Variants in SLC5A2 observed in about 807,000 individuals in gnomAD.
The protein encoded by SLC5A2 is sodium/glucose cotransporter 2.
In SLC5A2, 67 loss-of-function variants were observed where a neutral mutation model predicts 69.0. The observed-to-expected ratio is 0.97, with a 90% CI of 0.80 to 1.19. SLC5A2 has a LOEUF of 1.19. Ranked by LOEUF, SLC5A2 falls within the 50% of genes most tolerant of loss-of-function variation. The pLI is 0.00. For missense variants in SLC5A2, 1,001 were observed against 921.5 expected, an observed-to-expected ratio of 1.09 and a Z score of -1.12; for synonymous variants, 455 against 395.8, an observed-to-expected ratio of 1.15 and a Z score of -1.78.
In SLC5A2 at chr16:31,485,784, C is replaced by T. The variant is rs990530167; in HGVS notation, c.359C>T (p.Ala120Val). The T allele has an allele frequency of 6.8e-6, 11 of 1,613,552 alleles. No homozygotes were observed. Among genetic ancestry groups the T allele is most frequent in the African/African-American group, 5.3e-5 (4 of 74,930 alleles). ...GWLFAPVYLT[A>V]GVITMPQYLR... is the part of the protein sequence containing the mutation. ...CTGTTTGCACCCGTGTACCTGACAG[C>T]GGGGGTCATCACGATGCCACAGTAC... is the stretch of plus-strand genomic sequence containing the variant. The change falls in exon 4 of 14, where the codon GCG becomes GTG. Residue 120 changes from alanine to valine, a missense_variant. Coordinates refer to ENST00000330498, the MANE Select transcript of SLC5A2 (RefSeq NM_003041.4).
intron 2 of SLC5A2, 28 bp downstream of exon 2, chr16:31,484,772 G>A (rs893525101): frequency 3.2e-5 from 51 of 1,610,958 alleles, no homozygotes; most frequent in Non-Finnish European, 4.3e-5. Flanking sequence ...GGGAACGGGA[G>A]GGGCCTGGAG....
Position 31,490,634 on chromosome 16 carries a change from G to T in SLC5A2, c.*99G>T. 8.5e-7 allele frequency: 1 copy of T among 1,170,248 alleles called. No homozygotes were observed. 72.5% of individuals were successfully genotyped at this position (1,170,248 alleles called of 1,614,324 possible). A position where few individuals can be genotyped will look rare whatever the true frequency, so the allele number is the denominator to read the frequency against. ...AAAAGGGGAAGGGGCAGTGGGGTGA[G>T]AAGGTCCTGGCTCCCCTTCTCCCGG... is the stretch of plus-strand genomic sequence containing the variant. On this transcript the variant is annotated 3_prime_UTR_variant, in exon 14 of 14. Transcript: ENST00000330498.
chr16:31,487,490 A>T, intron 6 of SLC5A2, 40 bp from the exon 7 acceptor site: 1 of 1,611,676 alleles, frequency 6.2e-7, no homozygotes, highest in Non-Finnish European at 8.5e-7. Flanking sequence ...CTCCGGTCTG[A>T]GGGTCCTAAG....
rs2082558722 is a variant in SLC5A2 at position 31,490,658 on chromosome 16, G to A, written c.*123G>A. 2.7e-6 allele frequency: 3 copies of A among 1,106,936 alleles called. No homozygotes were observed. Among genetic ancestry groups the A allele is most frequent in the South Asian group, 1.3e-5 (1 of 76,038 alleles). 68.6% of individuals were successfully genotyped at this position (1,106,936 alleles called of 1,614,324 possible). On this transcript the variant is annotated 3_prime_UTR_variant, in exon 14 of 14. Transcript: ENST00000330498. Reference sequence around the variant, plus strand: ...AGAAGGTCCTGGCTCCCCTTCTCCCGGCCTTCCTCTGCCTGGGGCCCACTG... The same window carrying A: ...AGAAGGTCCTGGCTCCCCTTCTCCCAGCCTTCCTCTGCCTGGGGCCCACTG...
chr16:31,489,101 G>C (rs1374711033), intron 11 of SLC5A2, 22 bp from the exon 12 acceptor site: 6 of 1,605,502 alleles, frequency 3.7e-6, no homozygotes, highest in Non-Finnish European at 5.1e-6. Flanking sequence ...ATCCTCAGCA[G>C]GCTGACCTGT....
chr16:31,488,897 T>C lies in SLC5A2; in HGVS notation c.1298T>C (p.Ile433Thr). The C allele has an allele frequency of 2.5e-6, 4 of 1,605,522 alleles. No individual in the cohort carries two copies. Among genetic ancestry groups the C allele is most frequent in the South Asian group, 1.1e-5 (1 of 91,066 alleles). The change falls in exon 11 of 14, where the codon ATC (isoleucine) becomes ACC (threonine). Residue 433 changes from isoleucine to threonine, a missense_variant. By Grantham distance (89) the Ile-to-Thr change is moderately conservative. Transcript: ENST00000330498. ...LLVGRLWVVFIVVVSVAWLPV... is the reference protein window; with the variant it reads ...LLVGRLWVVFTVVVSVAWLPV... ...CGCCGCAGGCTCTGGGTGGTGTTCA[T>C]CGTGGTAGTGTCGGTGGCCTGGCTT... is the stretch of plus-strand genomic sequence containing the variant.
intron 12 of SLC5A2, 57 bp downstream of exon 12, chr16:31,489,395 T>C (rs2082539023): frequency 6.7e-7 from 1 of 1,502,082 alleles, no homozygotes. Context: ...ACCCTCTGCT[T>C]CCTGGAGTGC....
Position 31,487,605 on chromosome 16 carries a change from A to G in SLC5A2, c.731A>G (p.Glu244Gly). 6.2e-7 allele frequency: 1 copy of G among 1,613,864 alleles called. No homozygotes were observed. The highest frequency in any genetic ancestry group is 8.5e-7 in the Non-Finnish European group (1 of 1,179,988). ...GCAGCGACTTCGCTGACGGTGTCCG[A>G]GGATCCAGCCGTGGGAAACATCTCC... ...LGAATSLTVS[E>G]DPAVGNISSF... Residue 244 changes from glutamate (E) to glycine (G), a missense_variant, in exon 7 of 14, where the codon GAG becomes GGG. Transcript: ENST00000330498.
chr16:31,489,418 A>G lies in SLC5A2; in HGVS notation c.1665+80A>G. The G allele has an allele frequency of 2.3e-6, 3 of 1,325,406 alleles. No homozygotes were observed. The South Asian group carries it at 3.7e-5, about 16-fold the overall frequency. The allele number at this position is 1,325,406 out of a possible 1,614,324, so 82.1% of individuals were successfully genotyped here. A position where few individuals can be genotyped will look rare whatever the true frequency, so the allele number is the denominator to read the frequency against. ...CTTCCTGGAGTGCCCAGCTGGGAGG[A>G]CCTGAATTTCTCGACTGAGGGTTGG... is the stretch of plus-strand genomic sequence containing the variant. On this transcript the variant is annotated intron_variant, in intron 12 of 13. Transcript: ENST00000330498.
intron 3 of SLC5A2, chr16:31,485,176 A>G (rs2082485922): frequency 1.7e-6 from 1 of 601,492 alleles, no homozygotes; most frequent in Non-Finnish European, 3.0e-6. Flanking sequence ...GGGAGCTTCC[A>G]TTTATTCCTC....
chr16:31,484,950 C>A lies in SLC5A2; in HGVS notation c.303+27C>A, dbSNP rs774569447. 2.5e-6 allele frequency: 4 copies of A among 1,593,286 alleles called. No homozygotes were observed. The South Asian group carries it at 4.4e-5, about 18-fold the overall frequency. ...TGAGGCCCTCTTTTTTCCAATAACC[C>A]CACCCTCAGTGAGAACACCTGGAAG... On this transcript the variant is annotated intron_variant, in intron 3 of 13. Coordinates refer to ENST00000330498, the MANE Select transcript of SLC5A2 (RefSeq NM_003041.4).
intron 3 of SLC5A2, 120 bp downstream of exon 3, chr16:31,485,043 G>A: frequency 1.1e-6 from 1 of 925,668 alleles, no homozygotes; most frequent in Non-Finnish European, 1.7e-6. Flanking sequence ...CAACTGCGGG[G>A]TGTGACTGGG....
intron 12 of SLC5A2, chr16:31,489,552 TTAAAGCCTCC>T (rs1370966807): frequency 3.3e-6 from 2 of 612,818 alleles, no homozygotes; most frequent in Non-Finnish European, 5.8e-6. Flanking sequence ...GGGTTGGTGA[TTAAAGCCTCC>T]CAAAGCCAAT....
chr16:31,487,489 G>T (rs1223248376), intron 6 of SLC5A2, 41 bp from the exon 7 acceptor site: 1 of 1,611,768 alleles, frequency 6.2e-7, no homozygotes, highest in African/African-American at 1.3e-5. Context: ...TCTCCGGTCT[G>T]AGGGTCCTAA....
At position 31,488,721 on chromosome 16, in the gene SLC5A2, A is replaced by ACACGCGCCTGCGGC. The variant is rs2082524444; in HGVS notation, c.1238_1251dup (p.Gly418CysfsTer23). 6.2e-7 allele frequency: 1 copy of ACACGCGCCTGCGGC among 1,611,926 alleles called. No homozygotes were observed. The highest frequency in any genetic ancestry group is 8.5e-7 in the Non-Finnish European group (1 of 1,179,170). On this transcript the variant is annotated frameshift_variant, in exon 10 of 14. Coordinates refer to ENST00000330498, the MANE Select transcript of SLC5A2 (RefSeq NM_003041.4). LOFTEE classifies it high-confidence loss of function. ...AGCACGCTCTTCACCATGGACATCT[A>ACACGCGCCTGCGGC]CACGCGCCTGCGGCCACGCGCCGGC...
chr16:31,489,468 G>A lies in SLC5A2; in HGVS notation c.1665+130G>A, dbSNP rs549547073. On this transcript the variant is annotated intron_variant, in intron 12 of 13. Coordinates refer to ENST00000330498, the MANE Select transcript of SLC5A2 (RefSeq NM_003041.4). ...GGAATGGGCTGGGGGTCCAGCTGCA[G>A]TTGCAATTGCCGAGCAAGAATTTTT... 2.6e-5 allele frequency: 21 copies of A among 806,000 alleles called. No homozygotes were observed. The African/African-American group carries it at 3.6e-4, about 14-fold the overall frequency. 49.9% of individuals were successfully genotyped at this position (806,000 alleles called of 1,614,324 possible). A position where few individuals can be genotyped will look rare whatever the true frequency, so the allele number is the denominator to read the frequency against.
chr16:31,483,311 T>C (rs2082470564), intron 1 of SLC5A2, 49 bp downstream of exon 1: 1 of 1,589,964 alleles, frequency 6.3e-7, no homozygotes, highest in South Asian at 1.1e-5. Context: ...TTTGGGGGCC[T>C]GGGGGAAAAG....
chr16:31,488,073 G>C lies in SLC5A2; in HGVS notation c.921G>C (p.Leu307=), dbSNP rs2082514573. Residue 307 remains leucine (L), a synonymous_variant, in exon 8 of 14, where the codon CTG becomes CTC. Coordinates refer to ENST00000330498, the MANE Select transcript of SLC5A2 (RefSeq NM_003041.4). ...IVQRCLAGKS[L]THIKAGCILC... is the part of the protein sequence containing the mutation. Reference sequence around the variant, plus strand: ...AGCGCTGCCTGGCCGGGAAGAGCCTGACCCACATCAAGGCGGGCTGCATCC... The same window carrying C: ...AGCGCTGCCTGGCCGGGAAGAGCCTCACCCACATCAAGGCGGGCTGCATCC... 2 of 1,613,886 alleles carry C rather than the reference G, an allele frequency of 1.2e-6. No homozygotes were observed. The highest frequency in any genetic ancestry group is 1.1e-5 in the South Asian group (1 of 91,088).
chr16:31,488,562 C>A, intron 9 of SLC5A2, 60 bp from the exon 10 acceptor site: 1 of 1,605,680 alleles, frequency 6.2e-7, no homozygotes, highest in Non-Finnish European at 8.5e-7. Flanking sequence ...GTCCCTCGCG[C>A]AGCTGCAGCC....
Sources: allele counts gnomAD v4.1 joint callset, GRCh38; gene constraint gnomAD v4.1.1; transcripts MANE v1.5; gene names NCBI Gene and HGNC (gene_info 2026-07-23, HGNC 2026-07-21).